PRKD1: variants seen among roughly 807,000 people sequenced by gnomAD.
PRKD1 encodes the protein protein kinase D1, also known as serine/threonine-protein kinase D1.
In PRKD1, 63 loss-of-function variants were observed where a neutral mutation model predicts 95.9. The observed-to-expected ratio is 0.66, with a 90% confidence interval of 0.54 to 0.81. The LOEUF (loss-of-function observed/expected upper bound fraction) is 0.81, where lower values mean the gene tolerates loss of function less well. PRKD1 is among the 30% of genes least tolerant of loss of function. The pLI is 0.00. For missense variants in PRKD1, 1,048 were observed against 1,165.3 expected, an observed-to-expected ratio of 0.90 and a Z score of 1.47; for synonymous variants, 425 against 423.1, an observed-to-expected ratio of 1.00 and a Z score of -0.05.
chr14:29,909,210 G>A lies in PRKD1; in HGVS notation c.264+18039C>T, dbSNP rs544048629. Among the ~76,000 whole-genome samples the A allele has an allele frequency of 1.5e-4, 23 of 152,174 alleles. No individual in the cohort carries two copies. In the South Asian group the frequency reaches 3.9e-3, roughly 26 times the overall value. Reference sequence around the variant, plus strand: ...CCACCAGCGCTGCACTTGAATTCTCGCAGGGCCTCAGCTGTCTCCCCATGG... The same window carrying A: ...CCACCAGCGCTGCACTTGAATTCTCACAGGGCCTCAGCTGTCTCCCCATGG... On this transcript the variant is annotated intron_variant, in intron 1 of 17. Transcript: ENST00000331968.
chr14:29,665,157 C>T (rs1316957714), intron 3 of PRKD1, among the ~76,000 whole-genome samples: 1 of 152,158 alleles, frequency 6.6e-6, no homozygotes, highest in Non-Finnish European at 1.5e-5. Context: ...GAAGATACTT[C>T]GGGGAGATAC....
intron 1 of PRKD1, among the ~76,000 whole-genome samples, chr14:29,761,044 C>A (rs1887955083): frequency 6.6e-6 from 1 of 152,076 alleles, no homozygotes; most frequent in Non-Finnish European, 1.5e-5. Flanking sequence ...CTGCTGAAGC[C>A]ATCTTCCTGT....
At chr14:29,925,977 G>A (rs906861479) in intron 1 of PRKD1, among the ~76,000 whole-genome samples, 1 of 152,120 alleles carries the variant, frequency 6.6e-6, no homozygotes, top group Non-Finnish European at 1.5e-5. Context: ...ATCAGCATTA[G>A]ACAAAACGTG....
At chr14:29,665,876 C>G (rs1304057939) in intron 3 of PRKD1, among the ~76,000 whole-genome samples, 1 of 151,882 alleles carries the variant, frequency 6.6e-6, no homozygotes, top group African/African-American at 2.4e-5. Flanking sequence ...ATTTTCTCAA[C>G]CAAACGAGTG....
At chr14:29,817,553 T>A (rs1254858792) in intron 1 of PRKD1, among the ~76,000 whole-genome samples, 2 of 152,220 alleles carry the variant, frequency 1.3e-5, no homozygotes, top group East Asian at 3.9e-4. Context: ...TAAGTATCTT[T>A]AAGTATTGAC....
At chr14:29,886,825 C>T (rs1053617252) in intron 1 of PRKD1, among the ~76,000 whole-genome samples, 1 of 152,162 alleles carries the variant, frequency 6.6e-6, no homozygotes, top group Non-Finnish European at 1.5e-5. Flanking sequence ...TTTGTTAATT[C>T]TATTTTGTCA....
chr14:29,739,856 T>C (rs552474671), intron 1 of PRKD1, among the ~76,000 whole-genome samples: 2 of 152,338 alleles, frequency 1.3e-5, no homozygotes, highest in African/African-American at 2.4e-5. Context: ...TTGAATAACA[T>C]GTCATCTATT....
chr14:29,902,042 T>C (rs10140535), intron 1 of PRKD1, among the ~76,000 whole-genome samples: 2,725 of 152,258 alleles, frequency 0.018, 92 homozygotes, highest in African/African-American at 0.062. Context: ...CACACTATCA[T>C]ACCACTCTCA....
At chr14:29,620,197 G>A (rs1221122110) in intron 13 of PRKD1, among the ~76,000 whole-genome samples, 9 of 149,868 alleles carry the variant, frequency 6.0e-5, no homozygotes, top group South Asian at 2.1e-4. Flanking sequence ...AGACTTAAAC[G>A]TTAGACCTAA....
chr14:29,613,584 C>A (rs909280966), intron 13 of PRKD1, among the ~76,000 whole-genome samples: 5 of 152,218 alleles, frequency 3.3e-5, no homozygotes, highest in Admixed American at 1.3e-4. Flanking sequence ...TATGCTAAGG[C>A]ATGTTCAGCC....
intron 1 of PRKD1, among the ~76,000 whole-genome samples, chr14:29,736,679 A>C (rs146796928): frequency 6.6e-6 from 1 of 152,300 alleles, no homozygotes; most frequent in Non-Finnish European, 1.5e-5. Flanking sequence ...GGCCACTGTG[A>C]AAATATGGCC....
chr14:29,764,665 C>T (rs185850026), intron 1 of PRKD1, among the ~76,000 whole-genome samples: 10 of 152,204 alleles, frequency 6.6e-5, no homozygotes, highest in East Asian at 1.9e-4. Flanking sequence ...TTTATAAAGG[C>T]ACATAATACT....
intron 12 of PRKD1, 97 bp from the exon 13 acceptor site, chr14:29,624,355 A>C (rs1201159774): frequency 2.4e-5 from 17 of 705,534 alleles, no homozygotes; most frequent in African/African-American, 5.5e-5. Context: ...AATGATAAAC[A>C]TATTTCACTG....
chr14:29,676,192 T>TTTTTTTTTTTTTTTG (rs1566532348), intron 2 of PRKD1, among the ~76,000 whole-genome samples: 168 of 128,498 alleles, frequency 1.3e-3, no homozygotes, highest in Middle Eastern at 4.2e-3. Flanking sequence ...TGTTTTTTTT[T>TTTTTTTTTTTTTTTG]TTTTTTTTTT....
chr14:29,785,920 G>C (rs1490268445), intron 1 of PRKD1, among the ~76,000 whole-genome samples: 1 of 149,406 alleles, frequency 6.7e-6, no homozygotes, highest in African/African-American at 2.4e-5. Flanking sequence ...TCTTGTTCCA[G>C]TTCTTAAGAG....
At chr14:29,653,914 T>C (rs1881672547) in intron 4 of PRKD1, among the ~76,000 whole-genome samples, 2 of 152,096 alleles carry the variant, frequency 1.3e-5, no homozygotes, top group Admixed American at 1.3e-4. Flanking sequence ...CAAAGAAATA[T>C]ATAGTTAGGC....
At chr14:29,880,130 G>A (rs944693267) in intron 1 of PRKD1, among the ~76,000 whole-genome samples, 1 of 152,144 alleles carries the variant, frequency 6.6e-6, no homozygotes, top group African/African-American at 2.4e-5. Flanking sequence ...AAGACCATGG[G>A]GAAAATGTCT....
At chr14:29,691,451 T>C (rs1884228344) in intron 2 of PRKD1, among the ~76,000 whole-genome samples, 1 of 152,224 alleles carries the variant, frequency 6.6e-6, no homozygotes, top group South Asian at 2.1e-4. Context: ...ACCACTGATG[T>C]GTAATTTTAA....
In PRKD1 at chr14:29,649,176, T is replaced by C. The variant is rs1362955592; in HGVS notation, c.697-10272A>G. On this transcript the variant is annotated intron_variant, in intron 4 of 17. Coordinates refer to ENST00000331968, the MANE Select transcript of PRKD1 (RefSeq NM_002742.3). Reference sequence around the variant, plus strand: ...CTTGAGATGGCCTGCCTGATTTTTTTAGCCATTTATTTTAATTTCTTGCAG... The same window carrying C: ...CTTGAGATGGCCTGCCTGATTTTTTCAGCCATTTATTTTAATTTCTTGCAG... Among the ~76,000 whole-genome samples, 17 of 152,328 alleles carry C rather than the reference T, an allele frequency of 1.1e-4. No homozygotes were observed. The South Asian group carries it at 3.3e-3, about 30-fold the overall frequency.
Sources: allele counts gnomAD v4.1 joint callset (sites outside exome capture counted in the v4.1 genomes callset), GRCh38; gene constraint gnomAD v4.1.1; transcripts MANE v1.5; gene names NCBI Gene and HGNC (gene_info 2026-07-23, HGNC 2026-07-21).